Variants in COG5 observed in about 807,000 individuals in gnomAD.
COG5 encodes component of oligomeric golgi complex 5.
A neutral mutation model predicts 110.4 loss-of-function variants in COG5; 86 were observed. That is an observed-to-expected ratio of 0.78 (90% CI 0.65 to 0.93). The LOEUF (loss-of-function observed/expected upper bound fraction) is 0.93, where lower values mean the gene tolerates loss of function less well. COG5 is among the 40% of genes least tolerant of loss of function. COG5 has a pLI of 0.00. For missense variants in COG5, 1,077 were observed against 987.0 expected, an observed-to-expected ratio of 1.09 and a Z score of -1.22; for synonymous variants, 360 against 334.6, an observed-to-expected ratio of 1.08 and a Z score of -0.83.
chr7:107,558,124 G>C lies in COG5; in HGVS notation c.95-9C>G. Reference sequence around the variant, plus strand: ...AAAGTCACTATAACACCCTGGATTGGGGAAAAAATAAGGAAAAGTCCTTAA... The same window carrying C: ...AAAGTCACTATAACACCCTGGATTGCGGAAAAAATAAGGAAAAGTCCTTAA... On this transcript the variant is annotated splice_polypyrimidine_tract_variant and intron_variant, in intron 1 of 21. Transcript: ENST00000297135. 5 of 1,612,974 alleles carry C rather than the reference G, an allele frequency of 3.1e-6. No individual in the cohort carries two copies. Among genetic ancestry groups the C allele is most frequent in the Non-Finnish European group, 4.2e-6 (5 of 1,179,584 alleles).
At chr7:107,263,365 C>A (rs370859776) in intron 14 of COG5, among the ~76,000 whole-genome samples, 64 of 152,194 alleles carry the variant, frequency 4.2e-4, no homozygotes, top group African/African-American at 1.4e-3. Flanking sequence ...TAAAATTGTA[C>A]CAAGGTGCAA....
chr7:107,299,207 A>T (rs544843360), intron 11 of COG5, among the ~76,000 whole-genome samples: 2 of 152,244 alleles, frequency 1.3e-5, no homozygotes, highest in South Asian at 4.1e-4. Flanking sequence ...ATGAACCAGA[A>T]AATGAAAACA....
chr7:107,222,036 C>T (rs190535950), intron 19 of COG5, among the ~76,000 whole-genome samples: 2 of 152,168 alleles, frequency 1.3e-5, no homozygotes, highest in Non-Finnish European at 2.9e-5. Flanking sequence ...AGGACAAGGA[C>T]GGAGACAGAC....
intron 6 of COG5, among the ~76,000 whole-genome samples, chr7:107,467,946 G>GT (rs554123693): frequency 1.7e-3 from 257 of 152,140 alleles, no homozygotes; most frequent in African/African-American, 5.9e-3. Flanking sequence ...CCCAGATTTT[G>GT]TTTTTTTGAA....
chr7:107,352,510 A>T (rs1192190393), intron 10 of COG5, among the ~76,000 whole-genome samples: 2 of 144,868 alleles, frequency 1.4e-5, no homozygotes, highest in African/African-American at 2.5e-5. Flanking sequence ...ATTGTAAAAA[A>T]AAAACAAAAA....
intron 14 of COG5, among the ~76,000 whole-genome samples, chr7:107,274,699 T>G (rs1477485503): frequency 6.6e-6 from 1 of 152,204 alleles, no homozygotes. Context: ...AATAAATGCT[T>G]ACTGCGTGTC....
At chr7:107,307,788 T>C (rs1328392671) in intron 11 of COG5, among the ~76,000 whole-genome samples, 2 of 150,340 alleles carry the variant, frequency 1.3e-5, no homozygotes, top group African/African-American at 4.9e-5. Context: ...GGGTGAGGAA[T>C]AGAAGACTAC....
intron 6 of COG5, among the ~76,000 whole-genome samples, chr7:107,434,799 T>C (rs1423908440): frequency 6.6e-6 from 1 of 151,966 alleles, no homozygotes; most frequent in Non-Finnish European, 1.5e-5. Context: ...TGAAACCCTG[T>C]CTCTACTAAA....
intron 21 of COG5, chr7:107,209,192 G>C: frequency 1.0e-6 from 1 of 985,446 alleles, no homozygotes; most frequent in Non-Finnish European, 1.2e-6. Context: ...AACAGAATTG[G>C]GATCCCCTGG....
chr7:107,511,734 G>A (rs1584916180), intron 6 of COG5, among the ~76,000 whole-genome samples: 3 of 152,136 alleles, frequency 2.0e-5, no homozygotes, highest in Admixed American at 1.3e-4. Flanking sequence ...TGCAAGGCTG[G>A]TTTAACATAT....
At chr7:107,247,618 A>C (rs1272882720) in intron 17 of COG5, among the ~76,000 whole-genome samples, 2 of 152,220 alleles carry the variant, frequency 1.3e-5, no homozygotes, top group African/African-American at 2.4e-5. Flanking sequence ...AATGTGGTTA[A>C]GTTTTTTAAA....
At chr7:107,540,033 A>G (rs1203990362) in intron 5 of COG5, among the ~76,000 whole-genome samples, 3 of 152,220 alleles carry the variant, frequency 2.0e-5, no homozygotes, top group Non-Finnish European at 4.4e-5. Flanking sequence ...AGTAGAGATT[A>G]CATTTCAAGA....
intron 6 of COG5, among the ~76,000 whole-genome samples, chr7:107,520,101 C>T (rs915319207): frequency 2.0e-5 from 3 of 152,152 alleles, no homozygotes; most frequent in Non-Finnish European, 4.4e-5. Context: ...AACACACCTT[C>T]ATGTTAAAAA....
intron 5 of COG5, among the ~76,000 whole-genome samples, chr7:107,541,941 A>G (rs1802071155): frequency 6.6e-6 from 1 of 151,754 alleles, no homozygotes; most frequent in African/African-American, 2.4e-5. Flanking sequence ...AAAAAGAAAA[A>G]AAAAAAAAAA....
At chr7:107,485,599 T>C (rs1366977353) in intron 6 of COG5, among the ~76,000 whole-genome samples, 1 of 152,152 alleles carries the variant, frequency 6.6e-6, no homozygotes, top group Admixed American at 6.6e-5. Flanking sequence ...CAGACTAAAT[T>C]GTCTGACAAC....
chr7:107,304,630 T>C (rs1420884082), intron 11 of COG5, among the ~76,000 whole-genome samples: 2 of 152,016 alleles, frequency 1.3e-5, no homozygotes, highest in Admixed American at 6.6e-5. Context: ...TATCCCAGAG[T>C]TGGAGCAATC....
At chr7:107,401,776 T>C (rs1332631459) in intron 7 of COG5, among the ~76,000 whole-genome samples, 1 of 152,162 alleles carries the variant, frequency 6.6e-6, no homozygotes, top group African/African-American at 2.4e-5. Flanking sequence ...GCTAAATATA[T>C]AAAAGCTGTA....
At chr7:107,508,945 A>G (rs1395136582) in intron 6 of COG5, among the ~76,000 whole-genome samples, 1 of 152,140 alleles carries the variant, frequency 6.6e-6, no homozygotes, top group African/African-American at 2.4e-5. Flanking sequence ...CAAAGATGGG[A>G]AAAAAACAAA....
chr7:107,563,663 AG>A, intron 1 of COG5, 139 bp downstream of exon 1: 2 of 921,758 alleles, frequency 2.2e-6, no homozygotes, highest in Admixed American at 1.9e-5. Flanking sequence ...TACCCAAGCC[AG>A]GGGGCCGGGC....
Sources: allele counts gnomAD v4.1 joint callset (sites outside exome capture counted in the v4.1 genomes callset), GRCh38; gene constraint gnomAD v4.1.1; transcripts MANE v1.5; gene names NCBI Gene and HGNC (gene_info 2026-07-23, HGNC 2026-07-21).